MACROD2: variants seen among roughly 807,000 people sequenced by gnomAD.
MACROD2 encodes the protein ADP-ribose glycohydrolase MACROD2.
A neutral mutation model predicts 70.4 loss-of-function variants in MACROD2; 36 were observed. The ratio of observed to expected loss-of-function variants is 0.51; its 90% CI spans 0.39 to 0.68. The LOEUF is 0.68. MACROD2 is among the 30% of genes least tolerant of loss of function. The probability of loss-of-function intolerance (pLI) is 0.00; values close to 1 mark genes in which losing one functional copy is unlikely to be tolerated. For missense variants in MACROD2, 496 were observed against 538.4 expected (o/e 0.92, Z 0.78); for synonymous variants, 172 against 178.8 (o/e 0.96, Z 0.30).
At chr20:15,868,605 T>TTC (rs1555788721) in intron 9 of MACROD2, among the ~76,000 whole-genome samples, 3 of 139,290 alleles carry the variant, frequency 2.2e-5, no homozygotes, top group Non-Finnish European at 4.5e-5. Flanking sequence ...ATACTTTTCT[T>TTC]TTTTTTTTTT....
At chr20:15,251,830 G>A (rs1422439723) in intron 6 of MACROD2, among the ~76,000 whole-genome samples, 3 of 152,158 alleles carry the variant, frequency 2.0e-5, no homozygotes, top group African/African-American at 7.2e-5. Flanking sequence ...CCTAAAAAAT[G>A]TAAATACATA....
intron 8 of MACROD2, among the ~76,000 whole-genome samples, chr20:15,572,150 A>G (rs1221462266): frequency 6.6e-5 from 10 of 152,128 alleles, no homozygotes; most frequent in African/African-American, 2.2e-4. Flanking sequence ...TTCACTGTAC[A>G]AATATGATTG....
At chr20:15,280,314 T>A (rs867741499) in intron 6 of MACROD2, among the ~76,000 whole-genome samples, 9 of 145,682 alleles carry the variant, frequency 6.2e-5, no homozygotes, top group Middle Eastern at 3.5e-3. Context: ...GGATGCAAAC[T>A]TTTTTTTTTA....
chr20:15,195,349 A>G (rs1262360125), intron 5 of MACROD2, among the ~76,000 whole-genome samples: 1 of 152,224 alleles, frequency 6.6e-6, no homozygotes, highest in Non-Finnish European at 1.5e-5. Context: ...ACAAAGTTCT[A>G]ATATCCAGAT....
chr20:15,130,884 G>A (rs908514047), intron 5 of MACROD2, among the ~76,000 whole-genome samples: 2 of 152,066 alleles, frequency 1.3e-5, no homozygotes, highest in African/African-American at 2.4e-5. Flanking sequence ...GTGAGTAAGG[G>A]AAACTCTCTG....
intron 6 of MACROD2, among the ~76,000 whole-genome samples, chr20:15,231,666 T>C (rs2076960212): frequency 6.6e-6 from 1 of 152,066 alleles, no homozygotes; most frequent in Non-Finnish European, 1.5e-5. Flanking sequence ...ACTGTAATTA[T>C]CTTAAAACAA....
chr20:15,136,938 G>T (rs1474992585), intron 5 of MACROD2, among the ~76,000 whole-genome samples: 1 of 143,906 alleles, frequency 6.9e-6, no homozygotes. Flanking sequence ...CATTTATGCA[G>T]CCAAAAGACA....
At chr20:15,266,924 G>A (rs1031086652) in intron 6 of MACROD2, among the ~76,000 whole-genome samples, 2 of 152,224 alleles carry the variant, frequency 1.3e-5, no homozygotes, top group African/African-American at 4.8e-5. Context: ...TAGAGGGCAG[G>A]GGCGCGGGGG....
chr20:15,310,770 G>T (rs1402387330), intron 6 of MACROD2, among the ~76,000 whole-genome samples: 1 of 152,070 alleles, frequency 6.6e-6, no homozygotes, highest in Non-Finnish European at 1.5e-5. Context: ...CAGAGAAGGG[G>T]CTTGGTGAGT....
intron 12 of MACROD2, among the ~76,000 whole-genome samples, chr20:15,949,467 C>A (rs561012122): frequency 6.6e-6 from 1 of 152,072 alleles, no homozygotes; most frequent in Non-Finnish European, 1.5e-5. Context: ...GTTGCCCAGC[C>A]CCTGACCATC....
intron 2 of MACROD2, among the ~76,000 whole-genome samples, chr20:14,075,795 A>T (rs998648418): frequency 6.6e-6 from 1 of 152,148 alleles, no homozygotes; most frequent in Admixed American, 6.6e-5. Flanking sequence ...GGTCTCAAGG[A>T]TCCCCAAAAG....
At chr20:14,677,534 G>A (rs1375619129) in intron 4 of MACROD2, among the ~76,000 whole-genome samples, 2 of 152,208 alleles carry the variant, frequency 1.3e-5, no homozygotes, top group Non-Finnish European at 2.9e-5. Context: ...CTGCCTGCAA[G>A]CATTTTGGCC....
chr20:14,476,547 G>A (rs1470115960), intron 3 of MACROD2, among the ~76,000 whole-genome samples: 2 of 152,270 alleles, frequency 1.3e-5, no homozygotes, highest in South Asian at 4.2e-4. Flanking sequence ...AGTAGGGAAA[G>A]GGTTTCACTA....
intron 8 of MACROD2, among the ~76,000 whole-genome samples, chr20:15,536,462 C>G (rs1179816412): frequency 6.6e-6 from 1 of 152,142 alleles, no homozygotes; most frequent in African/African-American, 2.4e-5. Context: ...TGTTAAAAGG[C>G]CTCAGTGCTG....
chr20:15,158,437 G>T, intron 5 of MACROD2, among the ~76,000 whole-genome samples: 1 of 152,092 alleles, frequency 6.6e-6, no homozygotes, highest in Non-Finnish European at 1.5e-5. Context: ...GATTTTACAG[G>T]TGAGAAAATT....
intron 8 of MACROD2, among the ~76,000 whole-genome samples, chr20:15,656,825 C>G (rs1032722625): frequency 6.6e-6 from 1 of 151,832 alleles, no homozygotes; most frequent in Non-Finnish European, 1.5e-5. Context: ...TAGCTCCAGT[C>G]CTGCCCCCAA....
intron 3 of MACROD2, among the ~76,000 whole-genome samples, chr20:14,464,688 A>C (rs922274940): frequency 2.0e-5 from 3 of 151,352 alleles, no homozygotes; most frequent in Non-Finnish European, 4.4e-5. Flanking sequence ...ATAAATTTCC[A>C]TCTAAACACT....
At chr20:14,399,674 G>A (rs2083617311) in intron 3 of MACROD2, among the ~76,000 whole-genome samples, 1 of 151,940 alleles carries the variant, frequency 6.6e-6, no homozygotes, top group Non-Finnish European at 1.5e-5. Flanking sequence ...CTGACTTTGG[G>A]GATGCATATT....
At chr20:14,882,411 T>C (rs539271605) in intron 5 of MACROD2, among the ~76,000 whole-genome samples, 4 of 152,308 alleles carry the variant, frequency 2.6e-5, no homozygotes, top group African/African-American at 9.6e-5. Context: ...ATGTAAAAGG[T>C]ACTTCCCTGA....
Sources: allele counts gnomAD v4.1 joint callset (sites outside exome capture counted in the v4.1 genomes callset), GRCh38; gene constraint gnomAD v4.1.1; transcripts MANE v1.5; gene names NCBI Gene and HGNC (gene_info 2026-07-23, HGNC 2026-07-21).